Variants in PTPRD observed in about 807,000 individuals in gnomAD.
The protein encoded by PTPRD is receptor-type tyrosine-protein phosphatase delta.
PTPRD carries 34 observed loss-of-function variants against 214.5 expected under a neutral mutation model. The ratio of observed to expected loss-of-function variants is 0.16; its 90% CI spans 0.12 to 0.21. PTPRD has a LOEUF of 0.21. PTPRD is among the 10% of genes least tolerant of loss of function. The pLI is 1.00. For missense variants in PTPRD, 2,545 were observed against 2,398.7 expected, an observed-to-expected ratio of 1.06 and a Z score of -1.27; for synonymous variants, 1,128 against 845.7, an observed-to-expected ratio of 1.33 and a Z score of -5.79.
intron 12 of PTPRD, among the ~76,000 whole-genome samples, chr9:8,662,902 A>G (rs1240893463): frequency 1.3e-5 from 2 of 152,226 alleles, no homozygotes; most frequent in African/African-American, 4.8e-5. Context: ...ATATGTATAT[A>G]AAAGTTAAAT....
intron 8 of PTPRD, among the ~76,000 whole-genome samples, chr9:9,565,539 A>G (rs902608097): frequency 2.0e-5 from 3 of 151,872 alleles, no homozygotes; most frequent in African/African-American, 7.2e-5. Flanking sequence ...TCTTTTTGTT[A>G]TTTATATTGC....
At chr9:8,756,599 C>T (rs933344322) in intron 11 of PTPRD, among the ~76,000 whole-genome samples, 13 of 151,980 alleles carry the variant, frequency 8.6e-5, no homozygotes, top group Non-Finnish European at 1.8e-4. Context: ...TATAAAGCTC[C>T]GGAGTTCTAA....
At chr9:8,881,556 ATAAGTT>A (rs373296397) in intron 11 of PTPRD, among the ~76,000 whole-genome samples, 2 of 152,316 alleles carry the variant, frequency 1.3e-5, no homozygotes, top group African/African-American at 4.8e-5. Context: ...TTACAGTGGT[ATAAGTT>A]TAAGTAAAAG....
rs962597845 is a variant in PTPRD at position 9,443,241 on chromosome 9, G to A, written c.-236-45759C>T. Among the ~76,000 whole-genome samples the A allele has an allele frequency of 7.0e-5, 10 of 143,298 alleles. No homozygotes were observed. In the South Asian group the frequency reaches 1.8e-3, roughly 26 times the overall value. 94.0% of individuals were successfully genotyped at this position (143,298 alleles called of 152,430 possible). ...TAATTATACCTGGAAAAATCATATG[G>A]CATAAATAAATAAATAAATAACAGC... On this transcript the variant is annotated intron_variant, in intron 8 of 45. Coordinates refer to ENST00000381196, the MANE Select transcript of PTPRD (RefSeq NM_002839.4).
intron 8 of PTPRD, among the ~76,000 whole-genome samples, chr9:9,477,291 G>C (rs2095124400): frequency 6.6e-6 from 1 of 152,120 alleles, no homozygotes; most frequent in Admixed American, 6.6e-5. Flanking sequence ...CGTAAAGGTA[G>C]GTTCTGCTCT....
At chr9:10,471,826 G>A (rs948673463) in intron 2 of PTPRD, among the ~76,000 whole-genome samples, 2 of 151,924 alleles carry the variant, frequency 1.3e-5, no homozygotes, top group Non-Finnish European at 2.9e-5. Flanking sequence ...GCTTTAAAAT[G>A]AAAACACACA....
intron 8 of PTPRD, among the ~76,000 whole-genome samples, chr9:9,473,839 G>C (rs1207216449): frequency 7.0e-6 from 1 of 142,950 alleles, no homozygotes; most frequent in Admixed American, 7.0e-5. Flanking sequence ...TTGCTGTTAA[G>C]TTTTTAAATT....
At chr9:9,713,470 G>T (rs1466213699) in intron 7 of PTPRD, among the ~76,000 whole-genome samples, 1 of 152,008 alleles carries the variant, frequency 6.6e-6, no homozygotes, top group Admixed American at 6.6e-5. Flanking sequence ...GGAGAAGAAA[G>T]GAATTATAAA....
chr9:9,771,439 A>C (rs769867899), intron 5 of PTPRD, among the ~76,000 whole-genome samples: 4 of 152,208 alleles, frequency 2.6e-5, no homozygotes, highest in Non-Finnish European at 4.4e-5. Context: ...TAATGGAACC[A>C]ACCATGTCAC....
At chr9:9,696,154 T>C (rs1363992788) in intron 7 of PTPRD, among the ~76,000 whole-genome samples, 3 of 152,178 alleles carry the variant, frequency 2.0e-5, no homozygotes, top group African/African-American at 7.2e-5. Flanking sequence ...TATTCCATTA[T>C]GGTCATAAAA....
At chr9:8,326,218 G>C (rs1251707336) in intron 44 of PTPRD, among the ~76,000 whole-genome samples, 1 of 152,170 alleles carries the variant, frequency 6.6e-6, no homozygotes, top group Non-Finnish European at 1.5e-5. Context: ...GTCATAAATA[G>C]CTCTTCTTCT....
At position 10,507,287 on chromosome 9, in the gene PTPRD, G is replaced by T. The variant is rs182795061; in HGVS notation, c.-600+105111C>A. On this transcript the variant is annotated intron_variant, in intron 2 of 45. Coordinates refer to ENST00000381196, the MANE Select transcript of PTPRD (RefSeq NM_002839.4). ...TGATAACTACAAACCACTGCTCAATGAAATAAAAGAGGACACAAAACAAAT... is the reference window on the plus strand; with the variant it reads ...TGATAACTACAAACCACTGCTCAATTAAATAAAAGAGGACACAAAACAAAT... Among the ~76,000 whole-genome samples the T allele has an allele frequency of 5.3e-5, 8 of 152,096 alleles. No homozygotes were observed. The East Asian group carries it at 1.2e-3, about 22-fold the overall frequency.
intron 36 of PTPRD, among the ~76,000 whole-genome samples, chr9:8,404,026 G>A (rs903982950): frequency 1.3e-5 from 2 of 152,194 alleles, no homozygotes; most frequent in African/African-American, 4.8e-5. Context: ...AATGAGAGAT[G>A]CACTTCTGTC....
chr9:9,854,123 C>T (rs953840225), intron 5 of PTPRD, among the ~76,000 whole-genome samples: 26 of 152,104 alleles, frequency 1.7e-4, no homozygotes, highest in Non-Finnish European at 3.2e-4. Flanking sequence ...GTCTTGTAAC[C>T]ATTGACAGAT....
intron 2 of PTPRD, among the ~76,000 whole-genome samples, chr9:10,586,180 C>G (rs1300774521): frequency 2.0e-5 from 3 of 151,738 alleles, no homozygotes; most frequent in South Asian, 4.1e-4. Flanking sequence ...ACAAACGTCT[C>G]TCCACAATCT....
intron 4 of PTPRD, among the ~76,000 whole-genome samples, chr9:9,973,911 G>C (rs996483073): frequency 5.3e-5 from 8 of 152,066 alleles, no homozygotes; most frequent in Non-Finnish European, 1.0e-4. Flanking sequence ...AAAATTGAGA[G>C]GTGATCACAA....
chr9:8,712,065 A>C lies in PTPRD; in HGVS notation c.64+21715T>G, dbSNP rs77964668. On this transcript the variant is annotated intron_variant, in intron 12 of 45. Transcript: ENST00000381196. ...CTGTCAAGACTCATACAACAGTACA[A>C]CACAAAGAGTGGATTTTACTCTATA... is the stretch of plus-strand genomic sequence containing the variant. Among the ~76,000 whole-genome samples the C allele has an allele frequency of 1.0e-2, 1,522 of 152,328 alleles. 37 individuals are homozygous for C. The highest frequency in any genetic ancestry group is 0.035 in the African/African-American group (1,443 of 41,568).
intron 3 of PTPRD, among the ~76,000 whole-genome samples, chr9:10,060,640 A>G (rs905377957): frequency 6.6e-6 from 1 of 151,924 alleles, no homozygotes. Flanking sequence ...ACCTCTAAAT[A>G]CATGACAAAT....
At chr9:9,190,067 G>C (rs952647674) in intron 9 of PTPRD, among the ~76,000 whole-genome samples, 1 of 152,096 alleles carries the variant, frequency 6.6e-6, no homozygotes, top group African/African-American at 2.4e-5. Context: ...GCTATGGTTT[G>C]AATGTGTCCT....
Sources: gnomAD v4.1 joint callset for allele counts (sites outside exome capture counted in the v4.1 genomes callset) on GRCh38, gnomAD v4.1.1 for gene constraint, MANE v1.5 for transcripts, NCBI Gene and HGNC (gene_info 2026-07-23, HGNC 2026-07-21) for gene names.